The following MYH9 variants were observed in gnomAD, a reference collection of about 807,000 sequenced individuals.
MYH9 encodes myosin heavy chain 9.
A neutral mutation model predicts 241.9 loss-of-function variants in MYH9; 29 were observed. That is an observed-to-expected ratio of 0.12 (90% CI 0.09 to 0.16). The LOEUF is 0.16. Among genes scored for constraint, MYH9 ranks in the 10% least tolerant of loss-of-function variants. The pLI is 1.00. For synonymous variants in MYH9, 1,047 were observed against 1,062.6 expected (o/e 0.99, Z 0.29); for missense variants, 1,803 against 2,595.5 (o/e 0.69, Z 6.63).
In MYH9 at chr22:36,355,627, C is replaced by G. The variant is rs562508330; in HGVS notation, c.-19-6372G>C. Among the ~76,000 whole-genome samples, 3 of 152,302 alleles carry G rather than the reference C, an allele frequency of 2.0e-5. No homozygotes were observed. In the South Asian group the frequency reaches 6.2e-4, roughly 32 times the overall value. On this transcript the variant is annotated intron_variant, in intron 1 of 40. Coordinates refer to ENST00000216181, the MANE Select transcript of MYH9 (RefSeq NM_002473.6). ...CCGTAAAGCTGCATAGACCAAGGAC[C>G]TGCTAGGAAGCGCTGCATGTTCTCA...
chr22:36,297,152 C>T (rs2016802010), intron 24 of MYH9, 138 bp from the exon 25 acceptor site: 3 of 953,406 alleles, frequency 3.1e-6, no homozygotes, highest in African/African-American at 3.2e-5. Flanking sequence ...GACACTCGCA[C>T]CCAACTCCTG....
intron 23 of MYH9, among the ~76,000 whole-genome samples, chr22:36,299,776 G>C (rs1013185974): frequency 3.7e-4 from 57 of 152,128 alleles, no homozygotes; most frequent in African/African-American, 1.2e-3. Context: ...AGAGTACCCC[G>C]TATCTCAACA....
chr22:36,370,058 G>A (rs992950068), intron 1 of MYH9, among the ~76,000 whole-genome samples: 1 of 152,164 alleles, frequency 6.6e-6, no homozygotes, highest in Non-Finnish European at 1.5e-5. Flanking sequence ...ATAAATTGTG[G>A]ACAGATAAAA....
Position 36,288,216 on chromosome 22 carries a change from GCCGCCCACCCTCACCTGGGCC to G in MYH9, c.4932+15_4932+35del, listed in dbSNP as rs753974073. ...TCATATGTAGTTGGCTCAGTCGGGT[GCCGCCCACCCTCACCTGGGCC>G]CCGCCCACCCTTACCTGCAGCTTCC... On this transcript the variant is annotated intron_variant, in intron 34 of 40. Coordinates refer to ENST00000216181, the MANE Select transcript of MYH9 (RefSeq NM_002473.6). The surrounding 1 kb of genome is among the most constrained non-coding windows in gnomAD (Gnocchi z 4.8). The G allele has an allele frequency of 7.4e-6, 12 of 1,611,406 alleles. No homozygotes were observed. In the East Asian group the frequency reaches 1.3e-4, roughly 18 times the overall value.
intron 34 of MYH9, 22 bp from the exon 35 acceptor site, chr22:36,286,868 G>T: frequency 6.2e-7 from 1 of 1,603,254 alleles, no homozygotes; most frequent in South Asian, 1.1e-5. Context: ...ACAGAGGCTT[G>T]GCACCCCACC....
chr22:36,371,684 C>T (rs965555784), intron 1 of MYH9, among the ~76,000 whole-genome samples: 3 of 152,020 alleles, frequency 2.0e-5, no homozygotes, highest in Non-Finnish European at 2.9e-5. Context: ...TTACAGGTGC[C>T]CACCACCATG....
chr22:36,334,986 G>A (rs2017476825), intron 3 of MYH9, among the ~76,000 whole-genome samples: 1 of 152,170 alleles, frequency 6.6e-6, no homozygotes, highest in South Asian at 2.1e-4. Context: ...AAGGCAATAC[G>A]TGGCACTATT....
At chr22:36,338,891 T>C (rs896525658) in intron 3 of MYH9, among the ~76,000 whole-genome samples, 3 of 151,990 alleles carry the variant, frequency 2.0e-5, no homozygotes, top group Admixed American at 2.0e-4. Context: ...ATCAAACCAC[T>C]TGATTCAGAA....
chr22:36,284,653 G>A, intron 38 of MYH9, 142 bp from the exon 39 acceptor site: 4 of 782,286 alleles, frequency 5.1e-6, no homozygotes, highest in South Asian at 1.5e-5. Flanking sequence ...ACACCTATGT[G>A]TACCCGGCTT....
Position 36,281,686 on chromosome 22 carries a change from A to C in MYH9, c.*982T>G, listed in dbSNP as rs2016491056. ...TATTACAAGAAAGGGGAAAAAAGAA[A>C]ACCTTATTTTGCTTTCAAAAATACC... On this transcript the variant is annotated 3_prime_UTR_variant, in exon 41 of 41. Transcript: ENST00000216181. 1 of 230,260 alleles carries C rather than the reference A, an allele frequency of 4.3e-6. No homozygotes were observed. The highest frequency in any genetic ancestry group is 2.2e-5 in the African/African-American group (1 of 45,164). The allele number at this position is 230,260 out of a possible 1,614,324, so 14.3% of individuals were successfully genotyped here.
intron 21 of MYH9, 125 bp downstream of exon 21, chr22:36,301,409 G>A: frequency 7.6e-7 from 1 of 1,317,074 alleles, no homozygotes. Flanking sequence ...ACAGTAATAG[G>A]AAACTCAGTT....
In MYH9 at chr22:36,305,305, T is replaced by C. The variant is rs1036887338; in HGVS notation, c.2160-203A>G. 1.3e-5 allele frequency among the ~76,000 whole-genome samples: 2 copies of C among 152,246 alleles called. No individual in the cohort carries two copies. The highest frequency in any genetic ancestry group is 1.3e-4 in the Admixed American group (2 of 15,284). ...ATGAGACAAGGAAGCCTTGGTGTTTTCCGGAAAGTGAATGGAAACTCGTGT... is the reference window on the plus strand; with the variant it reads ...ATGAGACAAGGAAGCCTTGGTGTTTCCCGGAAAGTGAATGGAAACTCGTGT... On this transcript the variant is annotated intron_variant, in intron 17 of 40. Transcript: ENST00000216181. The surrounding 1 kb of genome is among the most constrained non-coding windows in gnomAD (Gnocchi z 4.7).
At chr22:36,317,887 T>C (rs971745357) in intron 11 of MYH9, among the ~76,000 whole-genome samples, 1 of 152,258 alleles carries the variant, frequency 6.6e-6, no homozygotes, top group Admixed American at 6.5e-5. Context: ...GGCATCAAGT[T>C]CCTGCTTTTA....
At chr22:36,316,736 C>T in intron 11 of MYH9, 67 bp from the exon 12 acceptor site, 1 of 1,593,606 alleles carries the variant, frequency 6.3e-7, no homozygotes, top group Admixed American at 1.7e-5. Flanking sequence ...TACCCTATGC[C>T]CCAGTAATTT....
intron 1 of MYH9, among the ~76,000 whole-genome samples, chr22:36,354,601 G>A (rs2017822268): frequency 1.3e-5 from 2 of 151,256 alleles, no homozygotes; most frequent in Admixed American, 6.6e-5. Context: ...CCGCCACCAC[G>A]CCCAGCTAAT....
chr22:36,310,130 AT>A (rs2017037135), intron 14 of MYH9, among the ~76,000 whole-genome samples: 1 of 152,094 alleles, frequency 6.6e-6, no homozygotes, highest in Non-Finnish European at 1.5e-5. Flanking sequence ...CGTGCCTGTA[AT>A]CCCAGCTACA....
rs202125487 is a variant in MYH9, at chr22:36,306,459, C to T, written c.1992G>A (p.Thr664=). Residue 664 remains threonine, a synonymous_variant, in exon 16 of 41, where the codon ACG becomes ACA. Coordinates refer to ENST00000216181, the MANE Select transcript of MYH9 (RefSeq NM_002473.6). The surrounding 1 kb of genome is among the most constrained non-coding windows in gnomAD (Gnocchi z 4.1). ...LAKLMATLRN[T]NPNFVRCIIP... ...TGATGCAGCGGACAAAGTTGGGGTT[C>T]GTGTTCCTCAGCGTAGCCATCAGCT... The T allele has an allele frequency of 1.2e-5, 20 of 1,614,128 alleles. 1 individual carries two copies. Among genetic ancestry groups the T allele is most frequent in the South Asian group, 1.1e-4 (10 of 91,084 alleles).
At chr22:36,302,447 T>C in intron 20 of MYH9, 121 bp downstream of exon 20, 1 of 863,310 alleles carries the variant, frequency 1.2e-6, no homozygotes, top group Admixed American at 1.9e-5. Context: ...CAAGAGTTTG[T>C]GACCAACCTG....
chr22:36,300,548 G>T lies in MYH9; in HGVS notation c.2839-284C>A, dbSNP rs916677923. Among the ~76,000 whole-genome samples the T allele has an allele frequency of 3.9e-5, 6 of 152,238 alleles. No homozygotes were observed. Among genetic ancestry groups the T allele is most frequent in the African/African-American group, 1.2e-4 (5 of 41,468 alleles). On this transcript the variant is annotated intron_variant, in intron 22 of 40. Coordinates refer to ENST00000216181, the MANE Select transcript of MYH9 (RefSeq NM_002473.6). This position sits in a 1 kb window ranked among gnomAD's most constrained non-coding sequence, Gnocchi z 5.0. ...TTTCCTGCAGCAAGCTCCCACCCAT[G>T]AAACAGGCAGGACGCAGAGGTGCTG...
Sources: gnomAD v4.1 joint callset for allele counts (sites outside exome capture counted in the v4.1 genomes callset) on GRCh38, gnomAD v4.1.1 for gene constraint, Gnocchi (gnomAD v3.1) non-coding constraint, MANE v1.5 for transcripts, NCBI Gene and HGNC (gene_info 2026-07-23, HGNC 2026-07-21) for gene names.